Variants in EIF2B3 observed in about 807,000 individuals in gnomAD.
EIF2B3 encodes the protein translation initiation factor eIF2B subunit gamma.
EIF2B3 carries 20 observed loss-of-function variants against 54.1 expected under a neutral mutation model. The ratio of observed to expected loss-of-function variants is 0.37; its 90% CI spans 0.26 to 0.54. The LOEUF is 0.54. EIF2B3 is among the 20% of genes least tolerant of loss of function. The pLI is 0.86. For synonymous variants in EIF2B3, 153 were observed against 188.1 expected, an observed-to-expected ratio of 0.81 and a Z score of 1.52; for missense variants, 448 against 547.8, an observed-to-expected ratio of 0.82 and a Z score of 1.82.
At chr1:44,908,127 ACT>A (rs1307343191) in intron 5 of EIF2B3, among the ~76,000 whole-genome samples, 1 of 151,982 alleles carries the variant, frequency 6.6e-6, no homozygotes, top group Admixed American at 6.6e-5. Context: ...GCCTATAAAG[ACT>A]CTGTTGCCAA....
chr1:44,857,977 A>G (rs567874736), intron 10 of EIF2B3, among the ~76,000 whole-genome samples, 170 bp from the exon 11 acceptor site: 13 of 152,002 alleles, frequency 8.6e-5, no homozygotes, highest in African/African-American at 3.1e-4. Context: ...CCAAGGGAGG[A>G]CCTGGCTTCA....
intron 10 of EIF2B3, among the ~76,000 whole-genome samples, chr1:44,864,455 G>A (rs1226038010): frequency 5.9e-5 from 9 of 152,066 alleles, no homozygotes; most frequent in Admixed American, 3.9e-4. Flanking sequence ...CCAGCTACTC[G>A]GAAGGCTGAG....
intron 8 of EIF2B3, among the ~76,000 whole-genome samples, chr1:44,876,313 C>G (rs373497844): frequency 6.7e-6 from 1 of 149,416 alleles, no homozygotes; most frequent in Non-Finnish European, 1.5e-5. Context: ...CGTCTCTGCC[C>G]GGCCGCCCAT....
chr1:44,892,219 CA>C (rs1655818831), intron 6 of EIF2B3, among the ~76,000 whole-genome samples: 1 of 152,192 alleles, frequency 6.6e-6, no homozygotes, highest in Admixed American at 6.5e-5. Context: ...GCACTTTCCA[CA>C]GGATTTAGAA....
At chr1:44,880,062 G>A in intron 7 of EIF2B3, 54 bp from the exon 8 acceptor site, 1 of 1,578,826 alleles carries the variant, frequency 6.3e-7, no homozygotes, top group Non-Finnish European at 8.7e-7. Flanking sequence ...TAACAGAACA[G>A]ATACAGACTC....
At chr1:44,937,413 G>A (rs901747124) in intron 4 of EIF2B3, 1 of 152,294 alleles carries the variant, frequency 6.6e-6, no homozygotes, top group East Asian at 1.9e-4. Flanking sequence ...TCCAGTAGGG[G>A]AAAGAGTAAA....
chr1:44,888,458 ACTTATGG>A lies in EIF2B3; in HGVS notation c.657-6726_657-6720del, dbSNP rs530029991. ...GGGGTAAAAATTTCTTGCCAGTCAG[ACTTATGG>A]CTTCTCAATCTCTCTCTCTCTCTCT... On this transcript the variant is annotated intron_variant, in intron 6 of 11. Coordinates refer to ENST00000360403, the MANE Select transcript of EIF2B3 (RefSeq NM_020365.5). 9.4e-5 allele frequency among the ~76,000 whole-genome samples: 14 copies of A among 148,784 alleles called. No homozygotes were observed. In the South Asian group the frequency reaches 3.0e-3, roughly 32 times the overall value.
At chr1:44,951,287 A>G (rs1051894495) in intron 3 of EIF2B3, among the ~76,000 whole-genome samples, 1 of 152,148 alleles carries the variant, frequency 6.6e-6, no homozygotes, top group African/African-American at 2.4e-5. Flanking sequence ...GCAATGAACA[A>G]ACAAACAAAA....
In EIF2B3 at chr1:44,981,089, A is replaced by T. The variant is rs397514647; in HGVS notation, c.80T>A (p.Leu27Gln). ...TAAAGGTTTGTTCCCAACTGGAAGC[A>T]GAGGTTTGGGAATGCTGGAAGTTAG... Reference protein sequence around the residue: ...TDLTSSIPKPLLPVGNKPLIW... With the variant: ...TDLTSSIPKPQLPVGNKPLIW... Residue 27 changes from leucine (L) to glutamine (Q), a missense_variant, in exon 2 of 12, where the codon CTG becomes CAG. Leu to Gln is a moderately radical substitution (Grantham distance 113). Transcript: ENST00000360403. The T allele has an allele frequency of 6.2e-7, 1 of 1,613,604 alleles. No individual in the cohort carries two copies. Among genetic ancestry groups the T allele is most frequent in the East Asian group, 2.2e-5 (1 of 44,880 alleles).
rs544800834 is a variant in EIF2B3 at position 44,854,011 on chromosome 1, T to G, written c.1307-3008A>C. 7.5e-4 allele frequency among the ~76,000 whole-genome samples: 113 copies of G among 151,246 alleles called. 3 individuals are homozygous for G. Among genetic ancestry groups the G allele is most frequent in the African/African-American group, 1.9e-3 (76 of 40,868 alleles). ...CAGTTAGTGTTTTTTTTTTTTGTTT[T>G]TTTTTTTTCTGAATGGAGTCTTGCT... On this transcript the variant is annotated intron_variant, in intron 11 of 11. Coordinates refer to ENST00000360403, the MANE Select transcript of EIF2B3 (RefSeq NM_020365.5).
intron 3 of EIF2B3, among the ~76,000 whole-genome samples, chr1:44,968,455 T>C (rs944149483): frequency 2.7e-5 from 4 of 149,768 alleles, no homozygotes; most frequent in African/African-American, 9.8e-5. Context: ...ATCAATAAGA[T>C]ACATTATATA....
chr1:44,886,751 A>G (rs1005071087), intron 6 of EIF2B3, among the ~76,000 whole-genome samples: 1 of 152,200 alleles, frequency 6.6e-6, no homozygotes, highest in African/African-American at 2.4e-5. Flanking sequence ...TTGTTTTTGT[A>G]CCTCACTTCT....
At chr1:44,931,951 A>G (rs1247992406) in intron 4 of EIF2B3, among the ~76,000 whole-genome samples, 2 of 152,208 alleles carry the variant, frequency 1.3e-5, no homozygotes, top group African/African-American at 4.8e-5. Context: ...ACCTCATACC[A>G]AAACACAAAT....
intron 7 of EIF2B3, among the ~76,000 whole-genome samples, chr1:44,880,758 C>T (rs1278371517): frequency 2.0e-5 from 3 of 152,004 alleles, no homozygotes; most frequent in South Asian, 2.1e-4. Context: ...GTCAGGAGAT[C>T]GATACCATCC....
At chr1:44,941,737 T>C (rs1644025285) in intron 3 of EIF2B3, 72 bp from the exon 4 acceptor site, 1 of 1,565,916 alleles carries the variant, frequency 6.4e-7, no homozygotes, top group African/African-American at 1.4e-5. Context: ...CAAGACAAAA[T>C]TAGGATGGCT....
rs1383122134 is a variant in EIF2B3 at position 44,961,575 on chromosome 1, G to A, written c.294+16740C>T. Among the ~76,000 whole-genome samples, 3 of 152,104 alleles carry A rather than the reference G, an allele frequency of 2.0e-5. No individual in the cohort carries two copies. In the South Asian group the frequency reaches 6.2e-4, roughly 32 times the overall value. On this transcript the variant is annotated intron_variant, in intron 3 of 11. Coordinates refer to ENST00000360403, the MANE Select transcript of EIF2B3 (RefSeq NM_020365.5). ...GTGTGCCTGTATTCCCAGCTACTTG[G>A]AGCTGAAGTGGGAAGATCGCCTTGT...
chr1:44,945,828 CCT>C (rs1644095845), intron 3 of EIF2B3, among the ~76,000 whole-genome samples: 1 of 152,040 alleles, frequency 6.6e-6, no homozygotes. Context: ...AAAAAAATCC[CCT>C]TTCTATTTTT....
rs1655217730 is a variant in EIF2B3, at chr1:44,877,211, A to AAAAC, written c.976-1517_976-1516insGTTT. Among the ~76,000 whole-genome samples, 6 of 148,922 alleles carry AAAAC rather than the reference A, an allele frequency of 4.0e-5. 1 individual carries two copies. Among genetic ancestry groups the AAAAC allele is most frequent in the Non-Finnish European group, 8.9e-5 (6 of 67,226 alleles). On this transcript the variant is annotated intron_variant, in intron 8 of 11. Transcript: ENST00000360403. ...GATCAATAAAAAAAAAAAAAAAAAA[A>AAAAC]AAAAAAAAAAACACCTTAGGTAGAA...
At chr1:44,922,516 G>A (rs1255010388) in intron 5 of EIF2B3, among the ~76,000 whole-genome samples, 4 of 150,264 alleles carry the variant, frequency 2.7e-5, no homozygotes, top group Non-Finnish European at 4.4e-5. Flanking sequence ...GAGCCCGGGA[G>A]GTGGAGGTTG....
Sources: allele counts gnomAD v4.1 joint callset (sites outside exome capture counted in the v4.1 genomes callset), GRCh38; gene constraint gnomAD v4.1.1; transcripts MANE v1.5; gene names NCBI Gene and HGNC (gene_info 2026-07-23, HGNC 2026-07-21).